Variants in STYXL1 observed in about 807,000 individuals in gnomAD.
The protein encoded by STYXL1 is serine/threonine/tyrosine interacting like 1, also known as serine/threonine/tyrosine-interacting-like protein 1.
STYXL1 carries 32 observed loss-of-function variants against 36.4 expected under a neutral mutation model. That is an observed-to-expected ratio of 0.88 (90% CI 0.66 to 1.18). STYXL1 has a LOEUF of 1.18. Ranked by LOEUF, STYXL1 falls within the 50% of genes most tolerant of loss-of-function variation. STYXL1 has a pLI of 0.00. For synonymous variants in STYXL1, 133 were observed against 144.1 expected, an observed-to-expected ratio of 0.92 and a Z score of 0.55; for missense variants, 354 against 394.1, an observed-to-expected ratio of 0.90 and a Z score of 0.86.
chr7:76,015,458 T>C (rs782792147), intron 4 of STYXL1, among the ~76,000 whole-genome samples: 2 of 152,208 alleles, frequency 1.3e-5, no homozygotes, highest in Non-Finnish European at 2.9e-5. Flanking sequence ...GACATTGGCC[T>C]TGGCAAATAA....
At chr7:76,046,668 A>C (rs1247544126) in intron 1 of STYXL1, among the ~76,000 whole-genome samples, 5 of 122,312 alleles carry the variant, frequency 4.1e-5, no homozygotes, top group Non-Finnish European at 8.4e-5. Flanking sequence ...TTTTTTTGAG[A>C]CAGAGTCTTT....
At chr7:76,000,539 A>G (rs1780712298) in intron 8 of STYXL1, 1 of 469,358 alleles carries the variant, frequency 2.1e-6, no homozygotes, top group Non-Finnish European at 4.2e-6. Context: ...GTACAGGGAG[A>G]TAGACGGGAG....
At chr7:76,045,503 C>G (rs1399338342) in intron 1 of STYXL1, 1 of 152,188 alleles carries the variant, frequency 6.6e-6, no homozygotes, top group Admixed American at 6.6e-5. Flanking sequence ...TCTAGACCAG[C>G]CTGGCCAACA....
At chr7:75,998,904 GT>G (rs1487468606) in intron 8 of STYXL1, 2 of 152,246 alleles carry the variant, frequency 1.3e-5, no homozygotes, top group Non-Finnish European at 2.9e-5. Flanking sequence ...ATCCACAAAT[GT>G]GATTGATCAA....
chr7:76,028,752 C>G, intron 2 of STYXL1, 49 bp from the exon 3 acceptor site: 1 of 1,531,242 alleles, frequency 6.5e-7, no homozygotes, highest in Non-Finnish European at 9.0e-7. Flanking sequence ...GAACATACGA[C>G]CAAACTACTC....
At position 76,047,955 on chromosome 7, in the gene STYXL1, G is replaced by A; in HGVS notation, c.-298C>T. The A allele has an allele frequency of 1.4e-6, 2 of 1,456,324 alleles. No homozygotes were observed. The highest frequency in any genetic ancestry group is 9.0e-7 in the Non-Finnish European group (1 of 1,105,062). The allele number at this position is 1,456,324 out of a possible 1,614,324, so 90.2% of individuals were successfully genotyped here. ...ACGCTAGAACCCAGCCAAACACCGG[G>A]GTTGCCAGGATGGTCCCACAGCTTT... On this transcript the variant is annotated 5_prime_UTR_variant, in exon 1 of 9. Transcript: ENST00000359697.
Position 76,047,823 on chromosome 7 carries a change from G to C in STYXL1, c.-166C>G, listed in dbSNP as rs1797341125. The stretch of plus-strand genomic sequence containing the variant: ...GCCTGGGGCCCCACCTGGAAAAATG[G>C]CTCCTCTAAGGCGCTTCCAGCCTAA... On this transcript the variant is annotated 5_prime_UTR_variant, in exon 1 of 9. Coordinates refer to ENST00000359697, the MANE Select transcript of STYXL1 (RefSeq NM_001317785.2). The C allele has an allele frequency of 1.0e-6, 1 of 999,032 alleles. No individual in the cohort carries two copies. Among genetic ancestry groups the C allele is most frequent in the Non-Finnish European group, 1.3e-6 (1 of 767,362 alleles). 61.9% of individuals were successfully genotyped at this position (999,032 alleles called of 1,614,324 possible). A position where few individuals can be genotyped will look rare whatever the true frequency, so the allele number is the denominator to read the frequency against.
chr7:76,015,146 A>G (rs530550957), intron 4 of STYXL1, among the ~76,000 whole-genome samples: 187 of 152,290 alleles, frequency 1.2e-3, no homozygotes, highest in African/African-American at 4.3e-3. Flanking sequence ...GCTACTAGAG[A>G]GGCTGAGGCA....
chr7:76,030,644 A>T, intron 1 of STYXL1, 117 bp from the exon 2 acceptor site: 1 of 654,344 alleles, frequency 1.5e-6, no homozygotes, highest in Non-Finnish European at 2.8e-6. Flanking sequence ...GATGACAGTA[A>T]TCATGTAAAT....
In STYXL1 at chr7:76,017,091, G is replaced by A. The variant is rs542117901; in HGVS notation, c.308-3204C>T. ...GGCTGGAGTGCAATGGCACGATCTC[G>A]GCGCACTGCAACCTCCACCTCCCTG... On this transcript the variant is annotated intron_variant, in intron 4 of 8. Coordinates refer to ENST00000359697, the MANE Select transcript of STYXL1 (RefSeq NM_001317785.2). 1.3e-4 allele frequency among the ~76,000 whole-genome samples: 20 copies of A among 152,018 alleles called. No individual in the cohort carries two copies. The East Asian group carries it at 3.3e-3, about 25-fold the overall frequency.
chr7:76,005,215 A>T (rs1344966224), intron 6 of STYXL1, 44 bp downstream of exon 6: 3 of 1,138,272 alleles, frequency 2.6e-6, no homozygotes, highest in Non-Finnish European at 3.4e-6. Flanking sequence ...AATATTATAT[A>T]AAAAATAAAA....
chr7:75,999,513 G>A (rs76992949), intron 8 of STYXL1, among the ~76,000 whole-genome samples: 41,021 of 86,056 alleles, frequency 0.48, 6,152 homozygotes, highest in East Asian at 0.62. Flanking sequence ...GTGTGTGTAT[G>A]TGTGTGTGTG....
chr7:76,005,461 T>C, intron 5 of STYXL1, 57 bp from the exon 6 acceptor site: 1 of 1,508,698 alleles, frequency 6.6e-7, no homozygotes, highest in South Asian at 1.2e-5. Context: ...AAGAGGGATG[T>C]CTATCTCTTG....
chr7:76,037,358 C>T (rs1424366666), intron 1 of STYXL1, among the ~76,000 whole-genome samples: 4 of 150,446 alleles, frequency 2.7e-5, no homozygotes, highest in African/African-American at 9.7e-5. Flanking sequence ...GTCTGGCCTT[C>T]AAACCAGGGG....
chr7:76,047,904 G>C lies in STYXL1; in HGVS notation c.-247C>G, dbSNP rs1162665568. On this transcript the variant is annotated 5_prime_UTR_variant, in exon 1 of 9. Transcript: ENST00000359697. Reference sequence around the variant, plus strand: ...ACTGGCCCTCCCACTCCGACCGCAGGTCCCCCACCGGCCACACAGACGGCT... The same window carrying C: ...ACTGGCCCTCCCACTCCGACCGCAGCTCCCCCACCGGCCACACAGACGGCT... 3 of 1,415,004 alleles carry C rather than the reference G, an allele frequency of 2.1e-6. No individual in the cohort carries two copies. The highest frequency in any genetic ancestry group is 2.8e-6 in the Non-Finnish European group (3 of 1,085,938). The allele number at this position is 1,415,004 out of a possible 1,614,324, so 87.7% of individuals were successfully genotyped here.
chr7:76,007,441 C>T (rs558667126), intron 5 of STYXL1, among the ~76,000 whole-genome samples: 72 of 152,068 alleles, frequency 4.7e-4, no homozygotes, highest in African/African-American at 1.6e-3. Context: ...ATAAAGTATA[C>T]GAGACGATAC....
intron 7 of STYXL1, 147 bp downstream of exon 7, chr7:76,003,611 C>T: frequency 1.4e-6 from 1 of 694,316 alleles, no homozygotes. Context: ...GCTTGTCCCA[C>T]CCAGATGGAG....
chr7:76,020,430 A>T (rs1369840297), intron 4 of STYXL1, among the ~76,000 whole-genome samples: 1 of 152,190 alleles, frequency 6.6e-6, no homozygotes, highest in Non-Finnish European at 1.5e-5. Context: ...CCAGGGGCTA[A>T]TGAAGAACAC....
chr7:76,009,047 A>G lies in STYXL1; in HGVS notation c.454-3643T>C, dbSNP rs149358975. On this transcript the variant is annotated intron_variant, in intron 5 of 8. Transcript: ENST00000359697. ...ACAAAAAAAACCCCACAAAAATCCCATAGCAAATCTATCAACCCCTCTTCC... is the reference window on the plus strand; with the variant it reads ...ACAAAAAAAACCCCACAAAAATCCCGTAGCAAATCTATCAACCCCTCTTCC... 9.5e-3 allele frequency among the ~76,000 whole-genome samples: 1,440 copies of G among 152,136 alleles called. 15 individuals are homozygous for G. The highest frequency in any genetic ancestry group is 0.014 in the Non-Finnish European group (923 of 67,980).
Sources: gnomAD v4.1 joint callset for allele counts (sites outside exome capture counted in the v4.1 genomes callset) on GRCh38, gnomAD v4.1.1 for gene constraint, MANE v1.5 for transcripts, NCBI Gene and HGNC (gene_info 2026-07-23, HGNC 2026-07-21) for gene names.